The following SLC25A26 variants were observed in gnomAD, a reference collection of about 807,000 sequenced individuals.
SLC25A26 encodes the protein solute carrier family 25 member 26, also known as mitochondrial S-adenosylmethionine carrier protein.
In SLC25A26, 36 loss-of-function variants were observed where a neutral mutation model predicts 37.8. The observed-to-expected ratio is 0.95, with a 90% CI of 0.73 to 1.26. The LOEUF is 1.26. Ranked by LOEUF, SLC25A26 falls within the 50% of genes most tolerant of loss-of-function variation. The pLI is 0.00. For synonymous variants in SLC25A26, 129 were observed against 122.5 expected (o/e 1.05, Z -0.35); for missense variants, 390 against 331.1 (o/e 1.18, Z -1.38).
intron 1 of SLC25A26, among the ~76,000 whole-genome samples, chr3:66,172,166 T>C (rs941812370): frequency 2.6e-5 from 4 of 151,824 alleles, no homozygotes; most frequent in African/African-American, 9.7e-5. Flanking sequence ...ATCTTAGCAC[T>C]TTAGAAGGTG....
chr3:66,137,879 G>C (rs1353469981), intron 1 of SLC25A26, among the ~76,000 whole-genome samples: 1 of 151,940 alleles, frequency 6.6e-6, no homozygotes, highest in Non-Finnish European at 1.5e-5. Flanking sequence ...TGTCACCCAG[G>C]CTGGAGTGCA....
At chr3:66,263,019 A>G (rs1367320611) in intron 4 of SLC25A26, among the ~76,000 whole-genome samples, 1 of 152,232 alleles carries the variant, frequency 6.6e-6, no homozygotes, top group African/African-American at 2.4e-5. Flanking sequence ...ATTAAGTACT[A>G]TATAATTAAT....
chr3:66,371,791 C>T (rs766169105), intron 9 of SLC25A26, among the ~76,000 whole-genome samples: 23 of 152,072 alleles, frequency 1.5e-4, no homozygotes, highest in Non-Finnish European at 2.6e-4. Context: ...GCTACTTAGC[C>T]AGTAGCAGGT....
At chr3:66,356,341 T>G (rs576433607) in intron 6 of SLC25A26, among the ~76,000 whole-genome samples, 11 of 152,304 alleles carry the variant, frequency 7.2e-5, no homozygotes, top group Middle Eastern at 6.8e-3. Flanking sequence ...GCCAAACTAC[T>G]TCATGCTATT....
intron 5 of SLC25A26, among the ~76,000 whole-genome samples, chr3:66,324,750 A>G (rs764558687): frequency 9.9e-5 from 15 of 151,358 alleles, no homozygotes; most frequent in African/African-American, 3.6e-4. Context: ...CACTGTCGTG[A>G]TTTTTGCAAA....
At chr3:66,165,113 G>T (rs1043714070) in intron 1 of SLC25A26, among the ~76,000 whole-genome samples, 11 of 152,172 alleles carry the variant, frequency 7.2e-5, no homozygotes, top group Non-Finnish European at 1.6e-4. Flanking sequence ...CTAGGGGAAG[G>T]TGGCTGTCAT....
At chr3:66,300,278 T>G (rs547739386) in intron 5 of SLC25A26, among the ~76,000 whole-genome samples, 18 of 142,404 alleles carry the variant, frequency 1.3e-4, no homozygotes, top group African/African-American at 4.5e-4. Flanking sequence ...TTTTTTGGTG[T>G]TATACTGGAA....
At chr3:66,268,882 A>T (rs2073856997) in intron 5 of SLC25A26, among the ~76,000 whole-genome samples, 1 of 152,176 alleles carries the variant, frequency 6.6e-6, no homozygotes, top group Non-Finnish European at 1.5e-5. Flanking sequence ...CTGCCATGTA[A>T]GACGTGCCTT....
chr3:66,147,602 C>T (rs1478295422), intron 1 of SLC25A26, among the ~76,000 whole-genome samples: 1 of 152,048 alleles, frequency 6.6e-6, no homozygotes, highest in Non-Finnish European at 1.5e-5. Flanking sequence ...GAGTAGATAC[C>T]TAGTAGTGGG....
intron 9 of SLC25A26, among the ~76,000 whole-genome samples, chr3:66,371,709 C>G (rs904056648): frequency 9.9e-5 from 15 of 152,118 alleles, no homozygotes; most frequent in Non-Finnish European, 2.2e-4. Flanking sequence ...GTGCTTCTAT[C>G]TGTGGCACAT....
intron 1 of SLC25A26, among the ~76,000 whole-genome samples, chr3:66,154,234 G>C (rs574299806): frequency 1.7e-4 from 26 of 152,212 alleles, no homozygotes; most frequent in African/African-American, 5.8e-4. Context: ...CAGCACTGCA[G>C]ATAGACCCGC....
intron 5 of SLC25A26, among the ~76,000 whole-genome samples, chr3:66,296,821 G>A (rs1052664466): frequency 1.3e-5 from 2 of 152,168 alleles, no homozygotes; most frequent in Non-Finnish European, 2.9e-5. Context: ...GCATAAAATG[G>A]ATTGCAGATG....
At chr3:66,195,741 G>A (rs919668847) in intron 1 of SLC25A26, among the ~76,000 whole-genome samples, 8 of 152,188 alleles carry the variant, frequency 5.3e-5, no homozygotes, top group African/African-American at 1.9e-4. Context: ...ACTATCCAAA[G>A]GAGTCTCAAA....
At chr3:66,362,516 G>A (rs1158053556) in intron 6 of SLC25A26, among the ~76,000 whole-genome samples, 1 of 152,208 alleles carries the variant, frequency 6.6e-6, no homozygotes, top group African/African-American at 2.4e-5. Flanking sequence ...GGGATAGTGA[G>A]GAAGGACAGG....
chr3:66,281,757 A>T (rs897037222), intron 5 of SLC25A26, among the ~76,000 whole-genome samples: 20 of 150,200 alleles, frequency 1.3e-4, no homozygotes, highest in African/African-American at 4.6e-4. Context: ...AAACTGTCCC[A>T]TATTTGTCCA....
At chr3:66,262,424 A>T (rs901259483) in intron 4 of SLC25A26, among the ~76,000 whole-genome samples, 3 of 152,242 alleles carry the variant, frequency 2.0e-5, no homozygotes, top group African/African-American at 7.2e-5. Context: ...TGTGAAACAA[A>T]TTTTAAATAT....
At chr3:66,179,042 T>C (rs2070643688) in intron 1 of SLC25A26, among the ~76,000 whole-genome samples, 1 of 152,188 alleles carries the variant, frequency 6.6e-6, no homozygotes, top group African/African-American at 2.4e-5. Flanking sequence ...TTGTCATATA[T>C]TTGAAAGCAA....
chr3:66,341,500 GAA>G (rs1161017145), intron 5 of SLC25A26, among the ~76,000 whole-genome samples: 1 of 152,118 alleles, frequency 6.6e-6, no homozygotes, highest in African/African-American at 2.4e-5. Context: ...TGTGGAAAAA[GAA>G]AATCTAATCA....
chr3:66,221,374 C>T (rs372131175), intron 1 of SLC25A26, among the ~76,000 whole-genome samples: 1 of 152,200 alleles, frequency 6.6e-6, no homozygotes, highest in African/African-American at 2.4e-5. Flanking sequence ...GTCTTTTGCA[C>T]CCTCATTTAC....
Sources: allele counts gnomAD v4.1 joint callset (sites outside exome capture counted in the v4.1 genomes callset), GRCh38; gene constraint gnomAD v4.1.1; transcripts MANE v1.5; gene names NCBI Gene and HGNC (gene_info 2026-07-23, HGNC 2026-07-21).